MINPP1: variants seen among roughly 807,000 people sequenced by gnomAD.
The protein encoded by MINPP1 is multiple inositol polyphosphate phosphatase 1.
A neutral mutation model predicts 46.1 loss-of-function variants in MINPP1; 28 were observed. That is an observed-to-expected ratio of 0.61 (90% CI 0.45 to 0.83). The LOEUF (loss-of-function observed/expected upper bound fraction) is 0.83, where lower values mean the gene tolerates loss of function less well. Among genes scored for constraint, MINPP1 ranks in the 40% least tolerant of loss-of-function variants. The probability of loss-of-function intolerance (pLI) is 0.00; values close to 1 mark genes in which losing one functional copy is unlikely to be tolerated. For missense variants in MINPP1, 603 were observed against 610.0 expected (o/e 0.99, Z 0.12); for synonymous variants, 268 against 249.1 (o/e 1.08, Z -0.72).
At chr10:87,507,793 G>A in intron 1 of MINPP1, 1 of 992,570 alleles carries the variant, frequency 1.0e-6, no homozygotes, top group East Asian at 1.1e-4. Flanking sequence ...CCAATTCACA[G>A]GCCCAGCACA....
intron 4 of MINPP1, among the ~76,000 whole-genome samples, chr10:87,548,795 G>A (rs1589387581): frequency 6.6e-6 from 1 of 151,702 alleles, no homozygotes; most frequent in Non-Finnish European, 1.5e-5. Flanking sequence ...TTTTACTAGT[G>A]CATTTAACTA....
At chr10:87,519,132 A>C (rs1192026923) in intron 3 of MINPP1, among the ~76,000 whole-genome samples, 3 of 62,220 alleles carry the variant, frequency 4.8e-5, no homozygotes, top group Admixed American at 4.4e-4. Flanking sequence ...CCAAAAGACT[A>C]CAACAAGGGA....
intron 4 of MINPP1, among the ~76,000 whole-genome samples, chr10:87,529,703 A>G (rs1304215103): frequency 6.6e-6 from 1 of 152,028 alleles, no homozygotes; most frequent in Non-Finnish European, 1.5e-5. Context: ...CTTCTCAAGG[A>G]GTATCTTTGT....
In MINPP1 at chr10:87,550,968, G is replaced by A. The variant is rs371243957; in HGVS notation, c.1068-1114G>A. On this transcript the variant is annotated intron_variant, in intron 4 of 4. Transcript: ENST00000371996. ...CTGCTATATCCAGTTCACACACAGC[G>A]CTTCCAGTGAATACCTGTGGGCTGT... 5.3e-5 allele frequency among the ~76,000 whole-genome samples: 8 copies of A among 152,062 alleles called. 1 individual carries two copies. Among genetic ancestry groups the A allele is most frequent in the Non-Finnish European group, 1.2e-4 (8 of 68,002 alleles).
At chr10:87,509,575 C>G (rs1015192109) in intron 2 of MINPP1, 5 of 171,222 alleles carry the variant, frequency 2.9e-5, no homozygotes, top group African/African-American at 1.2e-4. Context: ...AGTTACTTGC[C>G]TTAAATAAAT....
chr10:87,548,842 A>G (rs1280316321), intron 4 of MINPP1, among the ~76,000 whole-genome samples: 3 of 152,056 alleles, frequency 2.0e-5, no homozygotes, highest in African/African-American at 7.2e-5. Flanking sequence ...GTGTGTTTCA[A>G]ATTTGTATAA....
chr10:87,550,212 A>G (rs1851943445), intron 4 of MINPP1, among the ~76,000 whole-genome samples: 1 of 152,208 alleles, frequency 6.6e-6, no homozygotes, highest in East Asian at 1.9e-4. Flanking sequence ...AAATACTGAT[A>G]AGTAATGTAA....
rs199531532 is a variant in MINPP1, at chr10:87,513,115, TC to T, written c.836-3del. ...TGACCCACAAAATTTTACCTTTTTT[TC>T]CCCCCAGATTTAATTCAAGTAGCCT... On this transcript the variant is annotated splice_polypyrimidine_tract_variant and splice_region_variant and intron_variant, in intron 2 of 4. Coordinates refer to ENST00000371996, the MANE Select transcript of MINPP1 (RefSeq NM_004897.5). 1 of 1,610,388 alleles carries T rather than the reference TC, an allele frequency of 6.2e-7. No individual in the cohort carries two copies.
In MINPP1 at chr10:87,508,319, A is replaced by T. The variant is rs748152849; in HGVS notation, c.638-17A>T. 1.5e-4 allele frequency: 238 copies of T among 1,610,322 alleles called. No homozygotes were observed. Among genetic ancestry groups the T allele is most frequent in the Non-Finnish European group, 1.9e-4 (223 of 1,177,740 alleles). ...GTCAGTGATTTACAAATACATATAAATTTTTTTCTCTTTCAGATATGGAGT... is the reference window on the plus strand; with the variant it reads ...GTCAGTGATTTACAAATACATATAATTTTTTTTCTCTTTCAGATATGGAGT... On this transcript the variant is annotated splice_polypyrimidine_tract_variant and intron_variant, in intron 1 of 4. Transcript: ENST00000371996.
intron 4 of MINPP1, among the ~76,000 whole-genome samples, chr10:87,529,944 T>G (rs983734253): frequency 2.0e-5 from 3 of 152,206 alleles, no homozygotes; most frequent in Non-Finnish European, 4.4e-5. Flanking sequence ...CTCGCTTCAT[T>G]TCATTCATTT....
chr10:87,521,449 C>A (rs567385552), intron 4 of MINPP1, among the ~76,000 whole-genome samples: 3 of 152,286 alleles, frequency 2.0e-5, no homozygotes, highest in Non-Finnish European at 4.4e-5. Flanking sequence ...CCTTCCCTTT[C>A]CTCCAGAAAC....
At chr10:87,545,832 T>G (rs1402503762) in intron 4 of MINPP1, among the ~76,000 whole-genome samples, 1 of 152,250 alleles carries the variant, frequency 6.6e-6, no homozygotes, top group East Asian at 1.9e-4. Flanking sequence ...ATACTGGTTT[T>G]ATGACTAAAA....
intron 4 of MINPP1, among the ~76,000 whole-genome samples, chr10:87,535,343 A>C (rs1376890123): frequency 1.3e-5 from 2 of 152,250 alleles, no homozygotes; most frequent in Non-Finnish European, 2.9e-5. Context: ...CCACACAAAT[A>C]CATGTAAAGA....
chr10:87,505,354 G>A lies in MINPP1; in HGVS notation c.439G>A (p.Val147Ile), dbSNP rs944526510. ...CGCGGACTGGATGGACGGGCAGCTA[G>A]TAGAGAAGGGACGGCAGGATATGCG... Reference protein sequence around the residue: ...WYADWMDGQLVEKGRQDMRQL... With the variant: ...WYADWMDGQLIEKGRQDMRQL... Residue 147 changes from valine to isoleucine, a missense_variant, in exon 1 of 5, where the codon GTA becomes ATA. By Grantham distance (29) the Val-to-Ile change is conservative. Around this residue, in one of 3 missense-constraint regions of MINPP1, gnomAD observed 20 missense variants for 39.5 expected, o/e 0.51. Transcript: ENST00000371996. This position sits in a 1 kb window ranked among gnomAD's most constrained non-coding sequence, Gnocchi z 4.4. The A allele has an allele frequency of 5.0e-6, 8 of 1,613,902 alleles. No individual in the cohort carries two copies. Among genetic ancestry groups the A allele is most frequent in the Non-Finnish European group, 6.8e-6 (8 of 1,179,918 alleles).
intron 4 of MINPP1, among the ~76,000 whole-genome samples, chr10:87,544,148 T>C (rs1488451422): frequency 6.6e-6 from 1 of 152,242 alleles, no homozygotes; most frequent in African/African-American, 2.4e-5. Context: ...ACTGACTGGC[T>C]TCAAGTTGGG....
intron 4 of MINPP1, among the ~76,000 whole-genome samples, chr10:87,529,396 C>A (rs1851624584): frequency 6.6e-6 from 1 of 152,178 alleles, no homozygotes; most frequent in Admixed American, 6.5e-5. Flanking sequence ...TCTTGTAAGG[C>A]AGGCCTGGTG....
At chr10:87,523,256 A>G (rs1263486496) in intron 4 of MINPP1, among the ~76,000 whole-genome samples, 1 of 152,186 alleles carries the variant, frequency 6.6e-6, no homozygotes, top group Non-Finnish European at 1.5e-5. Flanking sequence ...TCCAGTTTAC[A>G]TTCCTCAGAT....
At chr10:87,532,982 CTT>C (rs5786778) in intron 4 of MINPP1, among the ~76,000 whole-genome samples, 200 of 145,042 alleles carry the variant, frequency 1.4e-3, no homozygotes, top group African/African-American at 4.2e-3. Flanking sequence ...AAACATTAGC[CTT>C]TTTTTTTTTT....
chr10:87,545,503 C>T (rs1268811358), intron 4 of MINPP1, among the ~76,000 whole-genome samples: 1 of 152,084 alleles, frequency 6.6e-6, no homozygotes, highest in Non-Finnish European at 1.5e-5. Flanking sequence ...AAATATGCAG[C>T]ATCATAAAAT....
Sources: allele counts gnomAD v4.1 joint callset (sites outside exome capture counted in the v4.1 genomes callset), GRCh38; gene constraint gnomAD v4.1.1; regional missense constraint gnomAD v4.1.1; non-coding constraint Gnocchi (gnomAD v3.1); transcripts MANE v1.5; gene names NCBI Gene and HGNC (gene_info 2026-07-23, HGNC 2026-07-21).